Variants in PAK3 observed in about 807,000 individuals in gnomAD.
The protein encoded by PAK3 is serine/threonine-protein kinase PAK 3.
Under a neutral mutation model 41.0 loss-of-function variants are expected in PAK3, and 4 were observed. The observed-to-expected ratio is 0.10, with a 90% CI of 0.05 to 0.22. PAK3 has a LOEUF of 0.22. PAK3 is among the 10% of genes least tolerant of loss of function. The pLI, the probability that PAK3 is intolerant of heterozygous loss-of-function variation, is 1.00. For missense variants in PAK3, 205 were observed against 409.9 expected (o/e 0.50, Z 4.32); for synonymous variants, 146 against 139.6 (o/e 1.05, Z -0.32).
At chrX:111,028,974 T>A (rs1013425145) in intron 1 of PAK3, among the ~76,000 whole-genome samples, 14 of 104,158 alleles carry the variant, frequency 1.3e-4, no homozygotes, top group Admixed American at 2.1e-4. Context: ...CTCTACAATT[T>A]AAAAAAAAAA....
chrX:111,213,570 GA>G (rs2094844021), intron 16 of PAK3, among the ~76,000 whole-genome samples: 1 of 111,806 alleles, frequency 8.9e-6, no homozygotes, highest in South Asian at 3.7e-4. Flanking sequence ...GTGAGAAAAT[GA>G]GACATTATAG....
chrX:111,081,425 A>C (rs1191096099), intron 1 of PAK3, among the ~76,000 whole-genome samples: 2 of 110,982 alleles, frequency 1.8e-5, no homozygotes, highest in East Asian at 5.7e-4. Flanking sequence ...GGATCGCTTG[A>C]ACACAGGAGG....
intron 1 of PAK3, among the ~76,000 whole-genome samples, chrX:111,028,005 G>GTA (rs1383865345): frequency 9.6e-6 from 1 of 104,302 alleles, no homozygotes; most frequent in African/African-American, 3.6e-5. Flanking sequence ...GTGTGTGTGT[G>GTA]TATATATATA....
intron 15 of PAK3, 116 bp downstream of exon 15, chrX:111,196,057 A>G: frequency 1.8e-6 from 1 of 567,937 alleles, no homozygotes; most frequent in Admixed American, 2.6e-5. Context: ...GTTACAGCCC[A>G]GTTTGAAGTA....
Position 110,993,022 on chromosome X carries a change from A to T in PAK3, c.-28+48394A>T, listed in dbSNP as rs112727789. 8.1e-3 allele frequency among the ~76,000 whole-genome samples: 904 copies of T among 111,313 alleles called. 9 individuals are homozygous for T. Among genetic ancestry groups the T allele is most frequent in the African/African-American group, 0.028 (853 of 30,604 alleles). Reference sequence around the variant, plus strand: ...TGCAACCCTCTTCTGGAGGTTTTCCACTTTCTTAGTGACTCTCTTAAAATG... The same window carrying T: ...TGCAACCCTCTTCTGGAGGTTTTCCTCTTTCTTAGTGACTCTCTTAAAATG... On this transcript the variant is annotated intron_variant, in intron 1 of 14. Transcript: ENST00000425146.
rs780719807 is a variant in PAK3 at position 111,160,365 on chromosome X, C to T, written c.469-2550C>T. On this transcript the variant is annotated intron_variant, in intron 8 of 17. Transcript: ENST00000372007. ...TAAGAAGTATTAATCTAACATTTTA[C>T]AATTTTTTGATATTAAGTATACAAT... Among the ~76,000 whole-genome samples the T allele has an allele frequency of 1.2e-3, 134 of 111,047 alleles. 1 individual carries two copies. The highest frequency in any genetic ancestry group is 4.0e-3 in the African/African-American group (124 of 30,681).
At chrX:111,094,440 A>G (rs1406482312), upstream of PAK3, among the ~76,000 whole-genome samples, 1 of 111,205 alleles carries the variant, frequency 9.0e-6, no homozygotes, top group Non-Finnish European at 1.9e-5. Context: ...ATACTCATAT[A>G]TGCATTAATA....
chrX:111,215,070 C>T lies in PAK3; in HGVS notation c.1408-1351C>T, dbSNP rs769362039. 2.7e-5 allele frequency among the ~76,000 whole-genome samples: 3 copies of T among 111,761 alleles called. No homozygotes were observed. The Admixed American group carries it at 2.8e-4, about 11-fold the overall frequency. Reference sequence around the variant, plus strand: ...TTTACTTAGTGCTTTCTAGTTTCCTCGATTAGCTCTTGGCCCACTGTACTG... The same window carrying T: ...TTTACTTAGTGCTTTCTAGTTTCCTTGATTAGCTCTTGGCCCACTGTACTG... On this transcript the variant is annotated intron_variant, in intron 16 of 17. Transcript: ENST00000372007.
At chrX:111,218,890 A>G (rs1603402769) in intron 17 of PAK3, among the ~76,000 whole-genome samples, 1 of 111,121 alleles carries the variant, frequency 9.0e-6, no homozygotes, top group South Asian at 3.9e-4. Flanking sequence ...AATTAGAAAA[A>G]GCAAGAGATG....
chrX:111,054,327 G>A (rs2092585843), intron 1 of PAK3, among the ~76,000 whole-genome samples: 1 of 112,569 alleles, frequency 8.9e-6, no homozygotes, highest in Admixed American at 9.4e-5. Context: ...CCCCTAGTCA[G>A]TGCTGCATTA....
intron 5 of PAK3, among the ~76,000 whole-genome samples, chrX:111,134,925 T>C (rs1246983611): frequency 9.0e-6 from 1 of 111,577 alleles, no homozygotes; most frequent in African/African-American, 3.3e-5. Flanking sequence ...GAAGAAGCTG[T>C]GGATGTAAGT....
chrX:110,970,418 T>TA (rs1488664395), intron 1 of PAK3, among the ~76,000 whole-genome samples: 5 of 111,797 alleles, frequency 4.5e-5, no homozygotes, highest in Admixed American at 2.8e-4. Context: ...AGTGTAGCCA[T>TA]AAAAAAGAAT....
chrX:111,092,445 A>G (rs2092937226), upstream of PAK3, among the ~76,000 whole-genome samples: 1 of 111,629 alleles, frequency 9.0e-6, no homozygotes, highest in African/African-American at 3.3e-5. Context: ...GCTGTTCTGC[A>G]TTTTTTCACT....
At chrX:111,031,320 A>G (rs2092338228) in intron 1 of PAK3, among the ~76,000 whole-genome samples, 1 of 111,434 alleles carries the variant, frequency 9.0e-6, no homozygotes, top group Non-Finnish European at 1.9e-5. Context: ...GGAAAGAGGT[A>G]CTGGGAATCC....
At chrX:111,056,231 G>A (rs1440447242) in intron 1 of PAK3, among the ~76,000 whole-genome samples, 1 of 111,317 alleles carries the variant, frequency 9.0e-6, no homozygotes, top group Non-Finnish European at 1.9e-5. Flanking sequence ...TAGTAAGCAA[G>A]CCCCCAAGCC....
chrX:111,069,183 T>C (rs2092723628), intron 1 of PAK3, among the ~76,000 whole-genome samples: 1 of 112,081 alleles, frequency 8.9e-6, no homozygotes, highest in African/African-American at 3.2e-5. Context: ...CTCTTCACGT[T>C]TGGAAAGAAG....
intron 1 of PAK3, among the ~76,000 whole-genome samples, chrX:110,980,841 T>A (rs1257443158): frequency 8.9e-6 from 1 of 112,194 alleles, no homozygotes; most frequent in African/African-American, 3.2e-5. Context: ...TTCTTCTGGG[T>A]GTGGGGCATG....
chrX:111,123,231 A>G lies in PAK3; in HGVS notation c.128A>G (p.Asn43Ser). Residue 43 changes from asparagine (N) to serine (S), a missense_variant, in exon 5 of 18, where the codon AAT becomes AGT. Around this residue, in one of 5 missense-constraint regions of PAK3, gnomAD observed 22 missense variants for 83.5 expected, o/e 0.26. Transcript: ENST00000372007. ...CTTCCCATGGCCCCTGAAGAGAAGA[A>G]TAAGAAAGCCAGGCTTCGCTCTATC... ...KPLPMAPEEK[N>S]KKARLRSIFP... 2 of 1,210,003 alleles carry G rather than the reference A, an allele frequency of 1.7e-6. No individual in the cohort carries two copies. Among genetic ancestry groups the G allele is most frequent in the Non-Finnish European group, 2.2e-6 (2 of 893,552 alleles).
At chrX:111,141,775 G>A (rs1765381537) in intron 5 of PAK3, among the ~76,000 whole-genome samples, 1 of 112,014 alleles carries the variant, frequency 8.9e-6, no homozygotes, top group African/African-American at 3.2e-5. Context: ...CTTAGTAAGT[G>A]ATATTTGATT....
Sources: allele counts gnomAD v4.1 joint callset (sites outside exome capture counted in the v4.1 genomes callset), GRCh38; gene constraint gnomAD v4.1.1; regional missense constraint gnomAD v4.1.1; transcripts MANE v1.5; gene names NCBI Gene and HGNC (gene_info 2026-07-23, HGNC 2026-07-21).